MAPK6: variants seen among roughly 807,000 people sequenced by gnomAD.
MAPK6 encodes the protein mitogen-activated protein kinase 6.
A neutral mutation model predicts 59.3 loss-of-function variants in MAPK6; 19 were observed. The ratio of observed to expected loss-of-function variants is 0.32; its 90% CI spans 0.22 to 0.47. MAPK6 has a LOEUF of 0.47. Ranked by LOEUF, MAPK6 falls within the 20% of genes least tolerant of loss-of-function variation. The probability of loss-of-function intolerance (pLI) is 1.00; values close to 1 mark genes in which losing one functional copy is unlikely to be tolerated. For missense variants in MAPK6, 724 were observed against 847.9 expected (o/e 0.85, Z 1.81); for synonymous variants, 316 against 290.3 (o/e 1.09, Z -0.90).
At chr15:52,054,012 A>T (rs1307618740) in intron 3 of MAPK6, among the ~76,000 whole-genome samples, 3 of 151,906 alleles carry the variant, frequency 2.0e-5, no homozygotes, top group Non-Finnish European at 4.4e-5. Flanking sequence ...ATGTCTGAGG[A>T]ATAATTGCCT....
intron 1 of MAPK6, among the ~76,000 whole-genome samples, chr15:52,024,224 C>T (rs777513133): frequency 2.0e-5 from 3 of 151,956 alleles, no homozygotes; most frequent in Non-Finnish European, 4.4e-5. Flanking sequence ...TCATGTACAT[C>T]GTTTGACAGC....
At chr15:52,056,567 C>T (rs1256313978) in intron 3 of MAPK6, 1 of 151,958 alleles carries the variant, frequency 6.6e-6, no homozygotes, top group Admixed American at 6.5e-5. Flanking sequence ...ATGCTAAATC[C>T]CTTGTCAATT....
chr15:52,026,865 C>CA (rs71130119), intron 1 of MAPK6, among the ~76,000 whole-genome samples: 53,838 of 149,734 alleles, frequency 0.36, 10,505 homozygotes, highest in Non-Finnish European at 0.43. Context: ...GCCTGGCCAA[C>CA]ATGATGAAAA....
chr15:52,051,171 C>T (rs1479666497), intron 3 of MAPK6, among the ~76,000 whole-genome samples: 1 of 152,138 alleles, frequency 6.6e-6, no homozygotes, highest in Non-Finnish European at 1.5e-5. Context: ...CATTCTCCTG[C>T]CTCAGCCTCC....
chr15:52,064,993 T>G lies in MAPK6; in HGVS notation c.2159T>G (p.Leu720Arg). ...HQTYSSILKHLN is the reference protein window; with the variant it reads ...HQTYSSILKHRN The stretch of plus-strand genomic sequence containing the variant: ...ACATACAGCAGCATTCTGAAACATC[T>G]GAACTAAAACACTCAGCAGACATTT... The change falls in exon 6 of 6, where the codon CTG (leucine) becomes CGG (arginine). Residue 720 changes from leucine (L) to arginine (R), a missense_variant. Coordinates refer to ENST00000261845, the MANE Select transcript of MAPK6 (RefSeq NM_002748.4). 6.2e-7 allele frequency: 1 copy of G among 1,604,976 alleles called. No homozygotes were observed. Among genetic ancestry groups the G allele is most frequent in the South Asian group, 1.1e-5 (1 of 90,434 alleles).
chr15:51,990,495 A>G (rs2057204669), intron 2 of MAPK6, among the ~76,000 whole-genome samples: 1 of 152,236 alleles, frequency 6.6e-6, no homozygotes, highest in African/African-American at 2.4e-5. Flanking sequence ...AAAAGTTAGA[A>G]TGGTATATGA....
chr15:51,994,070 C>A (rs1163204359), intron 2 of MAPK6, among the ~76,000 whole-genome samples: 2 of 152,180 alleles, frequency 1.3e-5, no homozygotes, highest in Non-Finnish European at 2.9e-5. Flanking sequence ...AAGCGATTCT[C>A]CTGCCTCAGC....
chr15:51,979,320 T>C (rs561475639), intron 1 of MAPK6, among the ~76,000 whole-genome samples: 35 of 151,880 alleles, frequency 2.3e-4, no homozygotes, highest in African/African-American at 7.2e-4. Flanking sequence ...GCTACACAGC[T>C]AAGAAGACTT....
chr15:52,061,443 A>C lies in MAPK6; in HGVS notation c.1010A>C (p.Glu337Ala). The C allele has an allele frequency of 6.2e-7, 1 of 1,613,904 alleles. No homozygotes were observed. The highest frequency in any genetic ancestry group is 8.5e-7 in the Non-Finnish European group (1 of 1,179,810). ...ISSHPFHIED[E>A]VDDILLMDET... is the part of the protein sequence containing the mutation. Reference sequence around the variant, plus strand: ...AGCCATCCTTTTCATATTGAAGATGAAGTTGATGATATTTTGCTTATGGAT... The same window carrying C: ...AGCCATCCTTTTCATATTGAAGATGCAGTTGATGATATTTTGCTTATGGAT... The change falls in exon 5 of 6, where the codon GAA becomes GCA. Residue 337 changes from glutamate (E) to alanine (A), a missense_variant. Around this residue, in one of 4 missense-constraint regions of MAPK6, gnomAD observed 502 missense variants for 507.6 expected, o/e 0.99. Transcript: ENST00000261845.
Position 52,065,794 on chromosome 15 carries a change from C to A in MAPK6, c.*794C>A, listed in dbSNP as rs2141141368. The A allele has an allele frequency of 6.5e-6, 1 of 152,690 alleles. No individual in the cohort carries two copies. The highest frequency in any genetic ancestry group is 2.1e-4 in the South Asian group (1 of 4,830). 9.5% of individuals were successfully genotyped at this position (152,690 alleles called of 1,614,324 possible). ...TGGTTTGTTGCCTACCTAGCTGCAT[C>A]TATAATGTCAGCTTATCCTAAGGCT... On this transcript the variant is annotated 3_prime_UTR_variant, in exon 6 of 6. Coordinates refer to ENST00000261845, the MANE Select transcript of MAPK6 (RefSeq NM_002748.4).
intron 2 of MAPK6, among the ~76,000 whole-genome samples, chr15:51,983,653 A>T (rs1314953760): frequency 6.6e-6 from 1 of 152,118 alleles, no homozygotes; most frequent in Non-Finnish European, 1.5e-5. Context: ...CTATAAAAAA[A>T]TTTAAAAATT....
At chr15:52,053,874 T>C (rs2031869888) in intron 3 of MAPK6, among the ~76,000 whole-genome samples, 1 of 151,710 alleles carries the variant, frequency 6.6e-6, no homozygotes, top group East Asian at 2.0e-4. Context: ...CCTGACCTCA[T>C]GATCCACTCG....
chr15:52,021,044 T>C (rs2030507922), intron 1 of MAPK6, among the ~76,000 whole-genome samples: 1 of 152,220 alleles, frequency 6.6e-6, no homozygotes, highest in Admixed American at 6.5e-5. Flanking sequence ...TTCATTTATT[T>C]GCAAAAGAGG....
At chr15:52,018,598 T>C (rs1240625167), upstream of MAPK6, 1 of 152,308 alleles carries the variant, frequency 6.6e-6, no homozygotes, top group Non-Finnish European at 1.5e-5. Context: ...CTACGTTTCA[T>C]AGTGCATCCC....
At chr15:52,006,463 T>C (rs924944438) in intron 3 of MAPK6, among the ~76,000 whole-genome samples, 1 of 152,208 alleles carries the variant, frequency 6.6e-6, no homozygotes, top group Non-Finnish European at 1.5e-5. Context: ...CGTTTTCAAC[T>C]AACATTTTTT....
At chr15:52,016,051 A>ATC (rs2030233691), upstream of MAPK6, among the ~76,000 whole-genome samples, 2 of 52,576 alleles carry the variant, frequency 3.8e-5, no homozygotes, top group East Asian at 5.4e-4. Flanking sequence ...GCCAAACTCC[A>ATC]TCGCGCGCGC....
At chr15:52,023,056 G>A (rs371994679) in intron 1 of MAPK6, among the ~76,000 whole-genome samples, 14 of 124,364 alleles carry the variant, frequency 1.1e-4, no homozygotes, top group African/African-American at 1.8e-4. Context: ...GCAGTGAGCC[G>A]AGATTGTGCC....
chr15:51,991,749 G>A (rs56065052), intron 2 of MAPK6, among the ~76,000 whole-genome samples: 2,977 of 152,336 alleles, frequency 0.02, 115 homozygotes, highest in African/African-American at 0.069. Flanking sequence ...TGAACGATAT[G>A]TAGGTCAAAG....
At chr15:52,051,309 G>A (rs1367075453) in intron 3 of MAPK6, among the ~76,000 whole-genome samples, 3 of 151,796 alleles carry the variant, frequency 2.0e-5, no homozygotes, top group Non-Finnish European at 4.4e-5. Flanking sequence ...CACCCGCCTC[G>A]GCCTCCCAAA....
Sources: gnomAD v4.1 joint callset for allele counts (sites outside exome capture counted in the v4.1 genomes callset) on GRCh38, gnomAD v4.1.1 for gene constraint, gnomAD v4.1.1 regional missense constraint, MANE v1.5 for transcripts, NCBI Gene and HGNC (gene_info 2026-07-23, HGNC 2026-07-21) for gene names.